TRMT11: variants seen among roughly 807,000 people sequenced by gnomAD.
The protein encoded by TRMT11 is tRNA methyltransferase 11, also known as tRNA (guanine(10)-N(2))-methyltransferase TRMT11.
A neutral mutation model predicts 62.8 loss-of-function variants in TRMT11; 53 were observed. The ratio of observed to expected loss-of-function variants is 0.84; its 90% confidence interval spans 0.68 to 1.06. The LOEUF (loss-of-function observed/expected upper bound fraction) is 1.06. TRMT11 is among the 50% of genes least tolerant of loss of function. The pLI is 0.00. For synonymous variants in TRMT11, 188 were observed against 190.3 expected, an observed-to-expected ratio of 0.99 and a Z score of 0.10; for missense variants, 556 against 553.4, an observed-to-expected ratio of 1.00 and a Z score of -0.05.
intron 21 of TRMT11, among the ~76,000 whole-genome samples, chr6:126,146,081 C>G (rs1244893667): frequency 6.6e-6 from 1 of 152,162 alleles, no homozygotes; most frequent in Non-Finnish European, 1.5e-5. Flanking sequence ...AGGAAAAAGA[C>G]AAAATGATTG....
At chr6:126,052,766 G>A (rs1776255182) in intron 16 of TRMT11, among the ~76,000 whole-genome samples, 1 of 152,192 alleles carries the variant, frequency 6.6e-6, no homozygotes, top group South Asian at 2.1e-4. Context: ...AATGAACAAA[G>A]ATCTAGTTTT....
chr6:126,179,536 TCTA>T (rs1368435391), intron 1 of TRMT11, among the ~76,000 whole-genome samples: 4 of 152,220 alleles, frequency 2.6e-5, no homozygotes, highest in African/African-American at 9.6e-5. Context: ...AAGTTTTTTT[TCTA>T]CTTTTCTGAC....
At chr6:126,060,844 C>T (rs532095611) in intron 17 of TRMT11, among the ~76,000 whole-genome samples, 3 of 152,356 alleles carry the variant, frequency 2.0e-5, no homozygotes, top group African/African-American at 7.2e-5. Context: ...ACAACATAGA[C>T]TACTTGTTGT....
chr6:126,151,902 TTTC>T (rs1177009158), intron 21 of TRMT11, among the ~76,000 whole-genome samples: 24 of 25,724 alleles, frequency 9.3e-4, no homozygotes, highest in South Asian at 4.5e-3. Flanking sequence ...TTTTCTTTCT[TTTC>T]TCTTTCTTTC....
intron 16 of TRMT11, among the ~76,000 whole-genome samples, chr6:126,051,517 CT>C (rs1291032869): frequency 1.3e-5 from 2 of 152,144 alleles, no homozygotes; most frequent in African/African-American, 4.8e-5. Flanking sequence ...CAGGCCATCA[CT>C]CTGATGATAG....
chr6:126,013,138 C>T, intron 11 of TRMT11, 37 bp downstream of exon 11: 1 of 1,572,244 alleles, frequency 6.4e-7, no homozygotes, highest in East Asian at 2.2e-5. Flanking sequence ...TTTCATTTTT[C>T]TTACAATGTT....
the TRMT11 span, among the ~76,000 whole-genome samples, chr6:126,222,370 T>TA: frequency 6.6e-6 from 1 of 152,190 alleles, no homozygotes; most frequent in Non-Finnish European, 1.5e-5. Context: ...GATAGTTTGA[T>TA]AAAAATAGCA....
chr6:126,173,811 T>G (rs915612852), upstream of TRMT11, among the ~76,000 whole-genome samples: 1 of 152,194 alleles, frequency 6.6e-6, no homozygotes, highest in Non-Finnish European at 1.5e-5. Flanking sequence ...ACCAGCAGAA[T>G]TTTTGATGGT....
intron 1 of TRMT11, among the ~76,000 whole-genome samples, chr6:126,193,285 G>A (rs1778624718): frequency 6.6e-6 from 1 of 151,560 alleles, no homozygotes; most frequent in Non-Finnish European, 1.5e-5. Context: ...TTTCATCTCT[G>A]ATTTTATGTA....
At chr6:126,131,527 A>C (rs1451962580) in intron 21 of TRMT11, among the ~76,000 whole-genome samples, 3 of 151,986 alleles carry the variant, frequency 2.0e-5, no homozygotes, top group African/African-American at 2.4e-5. Flanking sequence ...CACGCCTTTA[A>C]AAGGAAATTA....
At chr6:126,110,321 A>G (rs770852355) in intron 17 of TRMT11, among the ~76,000 whole-genome samples, 1 of 152,146 alleles carries the variant, frequency 6.6e-6, no homozygotes, top group Non-Finnish European at 1.5e-5. Context: ...CTTCCCAGGA[A>G]TATCTTAAGA....
At chr6:126,140,396 G>A (rs953160255) in intron 21 of TRMT11, among the ~76,000 whole-genome samples, 17 of 152,128 alleles carry the variant, frequency 1.1e-4, no homozygotes, top group Non-Finnish European at 2.9e-5. Context: ...AAATGGATCA[G>A]ATAATTTCTT....
the TRMT11 span, among the ~76,000 whole-genome samples, chr6:126,233,878 A>C: frequency 6.6e-6 from 1 of 152,164 alleles, no homozygotes; most frequent in Non-Finnish European, 1.5e-5. Flanking sequence ...CCACAAAGTC[A>C]TGATGTGGCC....
the TRMT11 span, among the ~76,000 whole-genome samples, chr6:126,238,862 T>A: frequency 3.7e-4 from 56 of 152,296 alleles, no homozygotes; most frequent in African/African-American, 1.3e-3. Context: ...TTTGTAGGTC[T>A]CTAAGGACTT....
At chr6:126,000,953 A>G (rs190020385) in intron 7 of TRMT11, among the ~76,000 whole-genome samples, 8 of 152,312 alleles carry the variant, frequency 5.3e-5, no homozygotes, top group Admixed American at 3.3e-4. Context: ...ACATGCATGT[A>G]TCCTTAACTT....
intron 21 of TRMT11, among the ~76,000 whole-genome samples, chr6:126,151,973 T>C (rs1305513856): frequency 3.7e-5 from 3 of 80,522 alleles, no homozygotes; most frequent in Non-Finnish European, 5.5e-5. Context: ...TTCTTTCCTC[T>C]CTCTCTCCCC....
At chr6:126,253,412 A>G in the TRMT11 span, among the ~76,000 whole-genome samples, 1 of 152,274 alleles carries the variant, frequency 6.6e-6, no homozygotes, top group Admixed American at 6.5e-5. Context: ...ACAATCTAAA[A>G]TAATGACAAA....
At chr6:126,189,450 C>T (rs1221769905) in intron 1 of TRMT11, among the ~76,000 whole-genome samples, 2 of 152,020 alleles carry the variant, frequency 1.3e-5, no homozygotes, top group Non-Finnish European at 2.9e-5. Context: ...ATTTTATAGG[C>T]AAAAATATCT....
At chr6:126,150,811 A>T (rs912363394) in intron 21 of TRMT11, among the ~76,000 whole-genome samples, 1 of 152,172 alleles carries the variant, frequency 6.6e-6, no homozygotes, top group African/African-American at 2.4e-5. Context: ...TTAGGGTCTC[A>T]TTTGGTCACC....
Sources: allele counts gnomAD v4.1 joint callset (sites outside exome capture counted in the v4.1 genomes callset), GRCh38; gene constraint gnomAD v4.1.1; transcripts MANE v1.5; gene names NCBI Gene and HGNC (gene_info 2026-07-23, HGNC 2026-07-21).